Variants in TTC28 observed in about 807,000 individuals in gnomAD.
TTC28 encodes the protein tetratricopeptide repeat protein 28.
In TTC28, 61 loss-of-function variants were observed where a neutral mutation model predicts 198.0. The observed-to-expected ratio is 0.31, with a 90% CI of 0.25 to 0.38. The LOEUF (loss-of-function observed/expected upper bound fraction) is 0.38. Among genes scored for constraint, TTC28 ranks in the 10% least tolerant of loss-of-function variants. The pLI is 1.00. For synonymous variants in TTC28, 1,171 were observed against 1,297.8 expected, an observed-to-expected ratio of 0.90 and a Z score of 2.10; for missense variants, 2,678 against 3,164.0, an observed-to-expected ratio of 0.85 and a Z score of 3.69.
At position 28,166,530 on chromosome 22, in the gene TTC28, G is replaced by A. The variant is rs542896706; in HGVS notation, c.934-2931C>T. ...AGGATTAAGAAATTCACTCAAAACC[G>A]CTCAACTACATGGAAACTAAACAAC... is the stretch of plus-strand genomic sequence containing the variant. On this transcript the variant is annotated intron_variant, in intron 5 of 22. Coordinates refer to ENST00000397906, the MANE Select transcript of TTC28 (RefSeq NM_001145418.2). 1.8e-3 allele frequency among the ~76,000 whole-genome samples: 281 copies of A among 152,234 alleles called. 1 individual carries two copies. The highest frequency in any genetic ancestry group is 5.2e-3 in the South Asian group (25 of 4,814).
chr22:28,105,332 C>T lies in TTC28; in HGVS notation c.3254G>A (p.Arg1085Lys). The T allele has an allele frequency of 2.6e-6, 4 of 1,551,704 alleles. No homozygotes were observed. Among genetic ancestry groups the T allele is most frequent in the Non-Finnish European group, 3.5e-6 (4 of 1,146,994 alleles). Residue 1085 changes from arginine to lysine, a missense_variant, in exon 8 of 23, where the codon AGG becomes AAG. By Grantham distance (26) the Arg-to-Lys change is conservative. Around this residue, in one of 8 missense-constraint regions of TTC28, gnomAD observed 727 missense variants for 861.9 expected, o/e 0.84. Transcript: ENST00000397906. Reference sequence around the variant, plus strand: ...ATAGTTCTGCAAGGCATGATGGGTCCTTCCAAGGCTACTATATGACACCGT... The same window carrying T: ...ATAGTTCTGCAAGGCATGATGGGTCTTTCCAAGGCTACTATATGACACCGT... ...AKTVSYSSLG[R>K]THHALQNYSQ...
intron 12 of TTC28, among the ~76,000 whole-genome samples, chr22:28,089,335 TA>T (rs1479023994): frequency 2.2e-4 from 33 of 152,018 alleles, no homozygotes; most frequent in Admixed American, 2.0e-3. Flanking sequence ...TATGCAGCCA[TA>T]AAAAATGATG....
chr22:28,018,244 A>AGTGTGTGTGTGTGTGTGTGTGT (rs138612299), intron 13 of TTC28, among the ~76,000 whole-genome samples: 13 of 114,904 alleles, frequency 1.1e-4, no homozygotes, highest in African/African-American at 3.9e-4. Flanking sequence ...GCTGCTATTC[A>AGTGTGTGTGTGTGTGTGTGTGT]GTGTGTGTGT....
intron 5 of TTC28, among the ~76,000 whole-genome samples, chr22:28,240,904 A>G (rs1053864288): frequency 4.6e-5 from 7 of 152,208 alleles, no homozygotes; most frequent in African/African-American, 1.4e-4. Context: ...ATTTAGCAAA[A>G]TAAGAAATAA....
intron 2 of TTC28, among the ~76,000 whole-genome samples, chr22:28,424,813 T>C (rs941091149): frequency 4.6e-5 from 7 of 152,228 alleles, no homozygotes; most frequent in African/African-American, 1.2e-4. Context: ...CAGTCAGGAA[T>C]AGCTGCTGGC....
At chr22:28,273,669 G>C (rs116232638) in intron 5 of TTC28, among the ~76,000 whole-genome samples, 2,359 of 152,204 alleles carry the variant, frequency 0.015, 81 homozygotes, top group African/African-American at 0.055. Flanking sequence ...GGAAGAAATG[G>C]AGCTGAAGCA....
At position 28,169,936 on chromosome 22, in the gene TTC28, T is replaced by C. The variant is rs558027762; in HGVS notation, c.934-6337A>G. On this transcript the variant is annotated intron_variant, in intron 5 of 22. Transcript: ENST00000397906. ...AAAAATTTTGCAGGTTGCTTGTAAT[T>C]ATCCAATCCAGTTGCTAATCGTACT... Among the ~76,000 whole-genome samples the C allele has an allele frequency of 5.9e-5, 9 of 152,268 alleles. No individual in the cohort carries two copies. In the South Asian group the frequency reaches 1.5e-3, roughly 25 times the overall value.
chr22:28,648,264 A>G (rs1388716707), intron 1 of TTC28, among the ~76,000 whole-genome samples: 1 of 151,618 alleles, frequency 6.6e-6, no homozygotes, highest in African/African-American at 2.4e-5. Context: ...AGTAATCATC[A>G]GGGAAATGCA....
At chr22:28,336,571 G>A (rs1025100575) in intron 2 of TTC28, among the ~76,000 whole-genome samples, 5 of 152,026 alleles carry the variant, frequency 3.3e-5, no homozygotes, top group South Asian at 4.2e-4. Context: ...TCTTGGGAGG[G>A]TGTATGTATC....
chr22:28,360,559 A>G (rs1056284400), intron 2 of TTC28, among the ~76,000 whole-genome samples: 1 of 152,198 alleles, frequency 6.6e-6, no homozygotes. Flanking sequence ...GTACAACGGT[A>G]TCCTTCTCAC....
chr22:28,079,289 C>G (rs1474933693), intron 12 of TTC28, among the ~76,000 whole-genome samples: 2 of 152,160 alleles, frequency 1.3e-5, no homozygotes, highest in Non-Finnish European at 2.9e-5. Flanking sequence ...TGATGGTGAC[C>G]TGCACTGTGC....
intron 2 of TTC28, among the ~76,000 whole-genome samples, chr22:28,600,744 A>G (rs745618800): frequency 2.0e-5 from 3 of 152,228 alleles, no homozygotes; most frequent in East Asian, 3.8e-4. Flanking sequence ...AAGAGGGCGC[A>G]CAAGTCTGCA....
intron 17 of TTC28, chr22:27,994,467 T>C (rs1249816051): frequency 6.6e-6 from 1 of 151,620 alleles, no homozygotes; most frequent in Admixed American, 6.6e-5. Context: ...TTTTTTTTTT[T>C]TACAGTAAAC....
Position 28,068,224 on chromosome 22 carries a change from C to T in TTC28, c.3932+25856G>A, listed in dbSNP as rs747901837. Among the ~76,000 whole-genome samples, 104 of 152,210 alleles carry T rather than the reference C, an allele frequency of 6.8e-4. 1 individual carries two copies. The highest frequency in any genetic ancestry group is 2.0e-3 in the Admixed American group (31 of 15,280). On this transcript the variant is annotated intron_variant, in intron 12 of 22. Coordinates refer to ENST00000397906, the MANE Select transcript of TTC28 (RefSeq NM_001145418.2). ...GAGATAAAAGGCTTGGTGGAAAAAG[C>T]GGTAAATTGGCACTTGGAGACCTGG...
At position 27,978,274 on chromosome 22, in the gene TTC28, G is replaced by A. The variant is rs1162045358; in HGVS notation, c.*3947C>T. 1.3e-5 allele frequency: 2 copies of A among 152,216 alleles called. No homozygotes were observed. The highest frequency in any genetic ancestry group is 3.8e-4 in the East Asian group (2 of 5,198). 9.4% of individuals were successfully genotyped at this position (152,216 alleles called of 1,614,324 possible). The stretch of plus-strand genomic sequence containing the variant: ...GCAGGGCCACAGGTGTCCTGACAGG[G>A]AACATCTTTGAAGGATCTGGCACAA... On this transcript the variant is annotated 3_prime_UTR_variant, in exon 23 of 23. Coordinates refer to ENST00000397906, the MANE Select transcript of TTC28 (RefSeq NM_001145418.2).
At chr22:28,190,235 T>C (rs1924608087) in intron 5 of TTC28, among the ~76,000 whole-genome samples, 1 of 152,250 alleles carries the variant, frequency 6.6e-6, no homozygotes. Flanking sequence ...TGTTAAGCAC[T>C]GGCCTAAACA....
intron 12 of TTC28, among the ~76,000 whole-genome samples, chr22:28,051,066 T>G (rs1940067724): frequency 6.6e-6 from 1 of 152,160 alleles, no homozygotes; most frequent in Non-Finnish European, 1.5e-5. Context: ...ATAGAGAAAG[T>G]CAGGGTGTAA....
At chr22:28,367,181 T>A (rs1030257178) in intron 2 of TTC28, among the ~76,000 whole-genome samples, 1 of 152,070 alleles carries the variant, frequency 6.6e-6, no homozygotes, top group Admixed American at 6.5e-5. Context: ...ATAGACCATA[T>A]GTTAGGTCAA....
chr22:28,456,721 G>A (rs1050050201), intron 2 of TTC28, among the ~76,000 whole-genome samples: 39 of 152,108 alleles, frequency 2.6e-4, no homozygotes, highest in African/African-American at 9.4e-4. Context: ...GATTACAGGC[G>A]CATGCCACCA....
Sources: gnomAD v4.1 joint callset for allele counts (sites outside exome capture counted in the v4.1 genomes callset) on GRCh38, gnomAD v4.1.1 for gene constraint, gnomAD v4.1.1 regional missense constraint, MANE v1.5 for transcripts, NCBI Gene and HGNC (gene_info 2026-07-23, HGNC 2026-07-21) for gene names.